FAM228B: variants seen among roughly 807,000 people sequenced by gnomAD.
The protein encoded by FAM228B is protein FAM228B.
A neutral mutation model predicts 42.6 loss-of-function variants in FAM228B; 38 were observed. The observed-to-expected ratio is 0.89, with a 90% confidence interval of 0.69 to 1.17. The LOEUF (loss-of-function observed/expected upper bound fraction) is 1.17, where lower values mean the gene tolerates loss of function less well. Among genes scored for constraint, FAM228B ranks in the 50% most tolerant of loss-of-function variants. The pLI is 0.00. For missense variants in FAM228B, 344 were observed against 367.3 expected (o/e 0.94, Z 0.52); for synonymous variants, 109 against 122.3 (o/e 0.89, Z 0.72).
intron 3 of FAM228B, among the ~76,000 whole-genome samples, chr2:24,136,571 C>T (rs1666597542): frequency 6.6e-6 from 1 of 152,098 alleles, no homozygotes; most frequent in African/African-American, 2.4e-5. Context: ...CTATTTTCCC[C>T]AGGCTAGACT....
chr2:24,144,783 T>C (rs117296819), intron 5 of FAM228B, among the ~76,000 whole-genome samples: 2,825 of 152,218 alleles, frequency 0.019, 295 homozygotes, highest in Admixed American at 0.17. Flanking sequence ...TGCCTCCCTA[T>C]GCCTGCTGCC....
In FAM228B at chr2:24,084,255, G is replaced by A. The variant is rs146197887; in HGVS notation, c.-210+3300G>A. 3.7e-6 allele frequency: 6 copies of A among 1,613,770 alleles called. No homozygotes were observed. In the African/African-American group the frequency reaches 5.3e-5, roughly 14 times the overall value. On this transcript the variant is annotated intron_variant, in intron 2 of 10. Transcript: ENST00000613899. The surrounding 1 kb of genome is among the most constrained non-coding windows in gnomAD (Gnocchi z 8.4). ...TCAGGAGGACTTCACCCTCCCCCGG[G>A]CTCGGCTTGGCCACCTCCTTCACGT...
chr2:24,118,892 G>T (rs1244332008), upstream of FAM228B, among the ~76,000 whole-genome samples: 1 of 152,148 alleles, frequency 6.6e-6, no homozygotes, highest in African/African-American at 2.4e-5. Flanking sequence ...TCAAAGGAGT[G>T]TTTATGCAAC....
chr2:24,118,668 G>A (rs1362212332), upstream of FAM228B, among the ~76,000 whole-genome samples: 2 of 152,216 alleles, frequency 1.3e-5, no homozygotes, highest in Admixed American at 6.5e-5. Flanking sequence ...GGAATTTGCA[G>A]AATAGATGTG....
intron 3 of FAM228B, among the ~76,000 whole-genome samples, chr2:24,100,012 A>G (rs1425843936): frequency 6.6e-6 from 1 of 152,206 alleles, no homozygotes; most frequent in Non-Finnish European, 1.5e-5. Flanking sequence ...AATACAAGCA[A>G]TGGGGAAAGG....
intron 2 of FAM228B, among the ~76,000 whole-genome samples, chr2:24,134,370 G>A (rs1666527612): frequency 1.3e-5 from 2 of 152,298 alleles, no homozygotes; most frequent in East Asian, 1.9e-4. Context: ...GCCTTAGGTG[G>A]CACTAAGCTT....
intron 3 of FAM228B, among the ~76,000 whole-genome samples, chr2:24,113,599 G>A (rs72797810): frequency 0.16 from 24,417 of 151,866 alleles, 2,125 homozygotes; most frequent in South Asian, 0.21. Context: ...AAAACAGGCC[G>A]GGCACAGTGG....
chr2:24,121,599 G>C (rs936394377), upstream of FAM228B, among the ~76,000 whole-genome samples: 1 of 151,852 alleles, frequency 6.6e-6, no homozygotes, highest in Non-Finnish European at 1.5e-5. Flanking sequence ...GAGACTCTAC[G>C]GCCCTGTGCT....
chr2:24,111,385 C>A (rs986052859), intron 3 of FAM228B, among the ~76,000 whole-genome samples: 1 of 152,150 alleles, frequency 6.6e-6, no homozygotes, highest in Non-Finnish European at 1.5e-5. Context: ...TGTGGTTACA[C>A]ATTCCTTCTA....
intron 2 of FAM228B, among the ~76,000 whole-genome samples, chr2:24,127,247 GT>G (rs1026814254): frequency 6.6e-6 from 1 of 152,098 alleles, no homozygotes; most frequent in African/African-American, 2.4e-5. Context: ...TGTTTTCAAG[GT>G]TTGTCCGTGT....
upstream of FAM228B, chr2:24,119,714 C>T: frequency 6.5e-7 from 1 of 1,543,336 alleles, no homozygotes; most frequent in South Asian, 1.1e-5. Context: ...ATATTCTGCT[C>T]TTGGTTCTAA....
At chr2:24,161,745 G>A (rs758744656) in intron 8 of FAM228B, 132 bp downstream of exon 8, 20 of 639,384 alleles carry the variant, frequency 3.1e-5, no homozygotes, top group Admixed American at 8.7e-5. Context: ...GCAGGACACC[G>A]GGCATCTCCT....
chr2:24,080,712 C>T lies in FAM228B; in HGVS notation c.-289-164C>T. The T allele has an allele frequency of 7.2e-7, 1 of 1,384,896 alleles. No individual in the cohort carries two copies. Among genetic ancestry groups the T allele is most frequent in the Non-Finnish European group, 1.0e-6 (1 of 988,556 alleles). The allele number at this position is 1,384,896 out of a possible 1,614,324, so 85.8% of individuals were successfully genotyped here. A position where few individuals can be genotyped will look rare whatever the true frequency, so the allele number is the denominator to read the frequency against. ...ATTTGGCCAGGGCAGCTGTTGTGCACTTAGCAGAGGTAAGACTGATACACA... is the reference window on the plus strand; with the variant it reads ...ATTTGGCCAGGGCAGCTGTTGTGCATTTAGCAGAGGTAAGACTGATACACA... On this transcript the variant is annotated intron_variant, in intron 1 of 10. Coordinates refer to the FAM228B transcript ENST00000613899. The surrounding 1 kb of genome is among the most constrained non-coding windows in gnomAD (Gnocchi z 4.7).
At chr2:24,099,899 C>T (rs12713193) in intron 3 of FAM228B, among the ~76,000 whole-genome samples, 18,219 of 152,114 alleles carry the variant, frequency 0.12, 1,280 homozygotes, top group South Asian at 0.18. Context: ...CAAAACAGCA[C>T]GGTACTGGTA....
chr2:24,121,693 A>G (rs1263986943), upstream of FAM228B, among the ~76,000 whole-genome samples: 1 of 152,020 alleles, frequency 6.6e-6, no homozygotes, highest in African/African-American at 2.4e-5. Flanking sequence ...GAATAGACTG[A>G]TGCCCTCCCT....
chr2:24,129,623 T>C (rs1272411187), intron 2 of FAM228B, among the ~76,000 whole-genome samples: 1 of 152,112 alleles, frequency 6.6e-6, no homozygotes, highest in Non-Finnish European at 1.5e-5. Flanking sequence ...ACTAACCCAT[T>C]GAGGTTTGTT....
chr2:24,113,634 T>C (rs1665836481), intron 3 of FAM228B, among the ~76,000 whole-genome samples: 1 of 152,048 alleles, frequency 6.6e-6, no homozygotes, highest in Admixed American at 6.6e-5. Context: ...CCCACCACTT[T>C]GGGAGGCGGA....
Position 24,124,470 on chromosome 2 carries a change from A to G in FAM228B, c.99+10A>G, listed in dbSNP as rs1297179734. 3 of 1,518,290 alleles carry G rather than the reference A, an allele frequency of 2.0e-6. No individual in the cohort carries two copies. The highest frequency in any genetic ancestry group is 2.7e-6 in the Non-Finnish European group (3 of 1,127,200). The allele number at this position is 1,518,290 out of a possible 1,614,324, so 94.1% of individuals were successfully genotyped here. On this transcript the variant is annotated intron_variant, in intron 2 of 10. Transcript: ENST00000615575. The stretch of plus-strand genomic sequence containing the variant: ...CCTTTGTTTTATGGAGGTATATATC[A>G]AATAGTGTGGGATTTGGAGATTTTT...
In FAM228B at chr2:24,084,220, G is replaced by A. The variant is rs753879437; in HGVS notation, c.-210+3265G>A. ...TAAGTCCGCCCGGTTCAGGGCGCTG[G>A]CCGCCACCTTCAGGAGGACTTCACC... On this transcript the variant is annotated intron_variant, in intron 2 of 10. Coordinates refer to the FAM228B transcript ENST00000613899. This position sits in a 1 kb window ranked among gnomAD's most constrained non-coding sequence, Gnocchi z 8.4. 2.5e-6 allele frequency: 4 copies of A among 1,613,754 alleles called. No individual in the cohort carries two copies. Among genetic ancestry groups the A allele is most frequent in the Non-Finnish European group, 3.4e-6 (4 of 1,179,890 alleles).
Sources: allele counts gnomAD v4.1 joint callset (sites outside exome capture counted in the v4.1 genomes callset), GRCh38; gene constraint gnomAD v4.1.1; non-coding constraint Gnocchi (gnomAD v3.1); transcripts MANE v1.5; gene names NCBI Gene and HGNC (gene_info 2026-07-23, HGNC 2026-07-21).